The following CELF2 variants were observed in gnomAD, a reference collection of about 807,000 sequenced individuals.
The protein encoded by CELF2 is CUG triplet repeat RNA-binding protein 2.
Under a neutral mutation model 62.6 loss-of-function variants are expected in CELF2, and 8 were observed. That is an observed-to-expected ratio of 0.13 (90% CI 0.07 to 0.23). The LOEUF (loss-of-function observed/expected upper bound fraction) is 0.23, where lower values mean the gene tolerates loss of function less well. CELF2 is among the 10% of genes least tolerant of loss of function. CELF2 has a pLI of 1.00. For synonymous variants in CELF2, 258 were observed against 250.0 expected, an observed-to-expected ratio of 1.03 and a Z score of -0.30; for missense variants, 333 against 671.0, an observed-to-expected ratio of 0.50 and a Z score of 5.56.
At chr10:10,923,871 T>A (rs1231561202) in intron 2 of CELF2, 2 of 152,230 alleles carry the variant, frequency 1.3e-5, no homozygotes, top group Non-Finnish European at 2.9e-5. Context: ...TATAAATGAC[T>A]CCTTGCTTTT....
At chr10:11,037,205 T>C (rs1475059702) in intron 1 of CELF2, among the ~76,000 whole-genome samples, 1 of 152,194 alleles carries the variant, frequency 6.6e-6, no homozygotes, top group South Asian at 2.1e-4. Context: ...ACATCTTATA[T>C]GGCGCAAGCA....
chr10:10,767,528 G>A, the CELF2 span, among the ~76,000 whole-genome samples: 2 of 152,164 alleles, frequency 1.3e-5, no homozygotes, highest in East Asian at 1.9e-4. Flanking sequence ...AAGAGAAGCA[G>A]GGTGAGGGAA....
chr10:10,552,669 A>C, the CELF2 span, among the ~76,000 whole-genome samples: 1 of 152,174 alleles, frequency 6.6e-6, no homozygotes. Context: ...AGAGGAGAAA[A>C]GGTATTCCTT....
chr10:11,209,480 A>G (rs527544036), intron 2 of CELF2, among the ~76,000 whole-genome samples: 1 of 151,730 alleles, frequency 6.6e-6, no homozygotes, highest in African/African-American at 2.4e-5. Context: ...GCCTCCTTGT[A>G]CTTTCTAAGA....
the CELF2 span, among the ~76,000 whole-genome samples, chr10:10,678,043 A>G: frequency 1.3e-5 from 2 of 152,288 alleles, no homozygotes; most frequent in Non-Finnish European, 2.9e-5. Context: ...TGAGCAGACT[A>G]CTGGTGCAAG....
In CELF2 at chr10:10,972,805, G is replaced by A. The variant is rs2050895754; in HGVS notation, c.89+52806G>A. On this transcript the variant is annotated intron_variant, in intron 2 of 13. Coordinates refer to the CELF2 transcript ENST00000636488. The surrounding 1 kb of genome is among the most constrained non-coding windows in gnomAD (Gnocchi z 4.4). Reference sequence around the variant, plus strand: ...ATTCTGAAATACACAATATCCATGAGTGGCCCTCAGAGAGCTACCTTCCTC... The same window carrying A: ...ATTCTGAAATACACAATATCCATGAATGGCCCTCAGAGAGCTACCTTCCTC... Among the ~76,000 whole-genome samples the A allele has an allele frequency of 6.6e-6, 1 of 152,122 alleles. No individual in the cohort carries two copies. Among genetic ancestry groups the A allele is most frequent in the Admixed American group, 6.5e-5 (1 of 15,270 alleles).
At chr10:11,253,764 G>T (rs144664292) in intron 4 of CELF2, among the ~76,000 whole-genome samples, 4 of 152,218 alleles carry the variant, frequency 2.6e-5, no homozygotes, top group African/African-American at 9.6e-5. Context: ...ACTTCAAATG[G>T]CTGCTGGTGT....
intron 1 of CELF2, among the ~76,000 whole-genome samples, chr10:10,820,595 C>T (rs1340608240): frequency 6.6e-6 from 1 of 152,142 alleles, no homozygotes; most frequent in Non-Finnish European, 1.5e-5. Flanking sequence ...TACAAAATCA[C>T]ACCTGCACTA....
At chr10:10,889,556 T>G (rs1204191806) in intron 1 of CELF2, among the ~76,000 whole-genome samples, 19 of 152,228 alleles carry the variant, frequency 1.2e-4, no homozygotes, top group Admixed American at 1.2e-3. Context: ...CATGCAAGAT[T>G]CAGGTGCTAT....
In CELF2 at chr10:11,305,725, G is replaced by A. The variant is rs1360888898; in HGVS notation, c.977-8414G>A. On this transcript the variant is annotated intron_variant, in intron 9 of 12. Coordinates refer to ENST00000633077, the MANE Select transcript of CELF2 (RefSeq NM_001326342.2). The surrounding 1 kb of genome is among the most constrained non-coding windows in gnomAD (Gnocchi z 4.8). ...GGGTGTAGTGTTCATCCCAGACCTA[G>A]CACAGCTCTAAGGAGAAGGAACCCA... Among the ~76,000 whole-genome samples the A allele has an allele frequency of 6.6e-6, 1 of 152,146 alleles. No individual in the cohort carries two copies. Among genetic ancestry groups the A allele is most frequent in the East Asian group, 1.9e-4 (1 of 5,194 alleles).
chr10:10,621,435 A>G, the CELF2 span, among the ~76,000 whole-genome samples: 22 of 152,262 alleles, frequency 1.4e-4, no homozygotes, highest in Admixed American at 6.5e-4. Context: ...TACATCCAGA[A>G]CAAAGAAGCG....
chr10:10,544,841 C>T, the CELF2 span, among the ~76,000 whole-genome samples: 879 of 152,336 alleles, frequency 5.8e-3, 5 homozygotes, highest in Non-Finnish European at 8.4e-3. Flanking sequence ...CATCGAACAA[C>T]CCTTCCAATA....
intron 2 of CELF2, among the ~76,000 whole-genome samples, chr10:11,175,669 T>G (rs583818): frequency 0.32 from 48,799 of 152,028 alleles, 8,584 homozygotes; most frequent in African/African-American, 0.47. Flanking sequence ...GCAGAGCCCT[T>G]TTGTAACAAT....
At chr10:10,894,879 T>C (rs576792560) in intron 1 of CELF2, among the ~76,000 whole-genome samples, 1 of 152,304 alleles carries the variant, frequency 6.6e-6, no homozygotes, top group Non-Finnish European at 1.5e-5. Flanking sequence ...CATTTAAAAA[T>C]CCCAGTGCTG....
rs1055832107 is a variant in CELF2 at position 11,011,204 on chromosome 10, G to A, written c.53+5764G>A. ...TAAAGTATGAATTTTTATGCATCTC[G>A]GGGGCCAAAATAGGTCATACGGCAA... On this transcript the variant is annotated intron_variant, in intron 1 of 12. Coordinates refer to the CELF2 transcript ENST00000416382. The surrounding 1 kb of genome is among the most constrained non-coding windows in gnomAD (Gnocchi z 4.6). 4 of 151,870 alleles carry A rather than the reference G, an allele frequency of 2.6e-5. No individual in the cohort carries two copies. Among genetic ancestry groups the A allele is most frequent in the South Asian group, 4.2e-4 (2 of 4,800 alleles). 9.4% of individuals were successfully genotyped at this position (151,870 alleles called of 1,614,324 possible). A position where few individuals can be genotyped will look rare whatever the true frequency, so the allele number is the denominator to read the frequency against.
At chr10:10,591,839 T>C in the CELF2 span, among the ~76,000 whole-genome samples, 5 of 152,236 alleles carry the variant, frequency 3.3e-5, no homozygotes, top group Non-Finnish European at 7.3e-5. Context: ...AAGTCTCTCC[T>C]GCACTCAGTG....
chr10:10,670,972 G>A, the CELF2 span, among the ~76,000 whole-genome samples: 8,335 of 152,034 alleles, frequency 0.055, 321 homozygotes, highest in East Asian at 0.11. Context: ...TTTGAGACCA[G>A]CCTAGGCAAC....
chr10:10,918,367 G>T (rs972963088), intron 1 of CELF2, among the ~76,000 whole-genome samples: 6 of 152,122 alleles, frequency 3.9e-5, no homozygotes, highest in Non-Finnish European at 8.8e-5. Flanking sequence ...CTTCAATTCT[G>T]GTTTTGCTGA....
In CELF2 at chr10:10,931,971, T is replaced by G. The variant is rs1415036783; in HGVS notation, c.89+11972T>G. Among the ~76,000 whole-genome samples, 2 of 152,116 alleles carry G rather than the reference T, an allele frequency of 1.3e-5. No individual in the cohort carries two copies. Among genetic ancestry groups the G allele is most frequent in the Non-Finnish European group, 2.9e-5 (2 of 68,032 alleles). On this transcript the variant is annotated intron_variant, in intron 2 of 13. Transcript: ENST00000636488. The surrounding 1 kb of genome is among the most constrained non-coding windows in gnomAD (Gnocchi z 6.1). Reference sequence around the variant, plus strand: ...ATAAAACCATCACATCTCATGAGTCTTATTCACTATCATGAGAACAGCATG... The same window carrying G: ...ATAAAACCATCACATCTCATGAGTCGTATTCACTATCATGAGAACAGCATG...
Sources: allele counts gnomAD v4.1 joint callset (sites outside exome capture counted in the v4.1 genomes callset), GRCh38; gene constraint gnomAD v4.1.1; non-coding constraint Gnocchi (gnomAD v3.1); transcripts MANE v1.5; gene names NCBI Gene and HGNC (gene_info 2026-07-23, HGNC 2026-07-21).